The following ESRP1 variants were observed in gnomAD, a reference collection of about 807,000 sequenced individuals.
ESRP1 encodes epithelial splicing regulatory protein 1.
In ESRP1, 33 loss-of-function variants were observed where a neutral mutation model predicts 81.7. The ratio of observed to expected loss-of-function variants is 0.40; its 90% CI spans 0.31 to 0.54. The LOEUF is 0.54. Among genes scored for constraint, ESRP1 ranks in the 20% least tolerant of loss-of-function variants. The probability of loss-of-function intolerance (pLI) is 0.41; values close to 1 mark genes in which losing one functional copy is unlikely to be tolerated. For missense variants in ESRP1, 672 were observed against 833.1 expected, an observed-to-expected ratio of 0.81 and a Z score of 2.38; for synonymous variants, 320 against 303.3, an observed-to-expected ratio of 1.06 and a Z score of -0.57.
At position 94,643,318 on chromosome 8, in the gene ESRP1, A is replaced by G; in HGVS notation, c.277A>G (p.Ser93Gly). 1 of 1,610,368 alleles carries G rather than the reference A, an allele frequency of 6.2e-7. No homozygotes were observed. Among genetic ancestry groups the G allele is most frequent in the East Asian group, 2.2e-5 (1 of 44,878 alleles). Residue 93 changes from serine to glycine, a missense_variant, in exon 3 of 16, where the codon AGC (serine) becomes GGC (glycine). Physicochemically the swap from Ser to Gly is moderately conservative, Grantham distance 56. Transcript: ENST00000433389. ...QALRQFNQSV[S>G]NELNIGVGTS... ...GTTCTTGCAGTTTAACCAGTCAGTG[A>G]GCAATGAACTGAATATTGGAGTAGG...
rs760981296 is a variant in ESRP1, at chr8:94,671,472, C to T, written c.1253C>T (p.Ser418Leu). The T allele has an allele frequency of 2.9e-5, 46 of 1,613,182 alleles. No individual in the cohort carries two copies. Among genetic ancestry groups the T allele is most frequent in the East Asian group, 2.5e-4 (11 of 44,880 alleles). The change falls in exon 11 of 16, where the codon TCG becomes TTG. Residue 418 changes from serine to leucine, a missense_variant. Transcript: ENST00000433389. ...GTACAGGTGCTGAATCGATTCTCCT[C>T]GGCCCCTCTCATTCCACTTCCAACC... is the stretch of plus-strand genomic sequence containing the variant. Reference protein sequence around the residue: ...EVQQVLNRFSSAPLIPLPTPP... With the variant: ...EVQQVLNRFSLAPLIPLPTPP...
chr8:94,663,495 C>T (rs1443712736), intron 6 of ESRP1, among the ~76,000 whole-genome samples: 2 of 152,144 alleles, frequency 1.3e-5, no homozygotes. Context: ...ATCTACCCAC[C>T]TTGACATCCC....
At chr8:94,655,650 G>T (rs1818368656) in intron 4 of ESRP1, among the ~76,000 whole-genome samples, 1 of 151,988 alleles carries the variant, frequency 6.6e-6, no homozygotes, top group South Asian at 2.1e-4. Context: ...CCAGCATTTT[G>T]GGAGGCTCAG....
Position 94,678,354 on chromosome 8 carries a change from C to G in ESRP1, c.1803C>G (p.Tyr601Ter). The G allele has an allele frequency of 6.2e-7, 1 of 1,613,886 alleles. No homozygotes were observed. Among genetic ancestry groups the G allele is most frequent in the Non-Finnish European group, 8.5e-7 (1 of 1,179,840 alleles). ...YPAGTQLFMN[Y>*]TAYYPSPPGS... Reference sequence around the variant, plus strand: ...CAGGCACTCAGCTCTTCATGAATTACACAGCGTACTATCCCAGGTAAGGCT... The same window carrying G: ...CAGGCACTCAGCTCTTCATGAATTAGACAGCGTACTATCCCAGGTAAGGCT... The change falls in exon 13 of 16, where the codon TAC becomes TAG. Residue 601 changes from tyrosine to a stop codon, truncating the protein, a stop_gained. Transcript: ENST00000433389. LOFTEE classifies it high-confidence loss of function.
At chr8:94,703,299 C>A (rs1809923367) in intron 15 of ESRP1, among the ~76,000 whole-genome samples, 1 of 151,976 alleles carries the variant, frequency 6.6e-6, no homozygotes, top group African/African-American at 2.4e-5. Flanking sequence ...GGACTACAAG[C>A]ACACACCGCT....
At chr8:94,650,659 A>G (rs1351035499) in intron 4 of ESRP1, among the ~76,000 whole-genome samples, 1 of 152,212 alleles carries the variant, frequency 6.6e-6, no homozygotes, top group Non-Finnish European at 1.5e-5. Flanking sequence ...AAATATGAAT[A>G]GTGCTGTTAT....
At position 94,643,277 on chromosome 8, in the gene ESRP1, T is replaced by A. The variant is rs1188865287; in HGVS notation, c.262-26T>A. 7 of 1,463,856 alleles carry A rather than the reference T, an allele frequency of 4.8e-6. No individual in the cohort carries two copies. In the African/African-American group the frequency reaches 6.9e-5, roughly 15 times the overall value. The allele number at this position is 1,463,856 out of a possible 1,614,324, so 90.7% of individuals were successfully genotyped here. Reference sequence around the variant, plus strand: ...GTTTGTAAATCGTGCATCAGTTGCATCCCTATGTGTATCTTGTTCTTGCAG... The same window carrying A: ...GTTTGTAAATCGTGCATCAGTTGCAACCCTATGTGTATCTTGTTCTTGCAG... On this transcript the variant is annotated intron_variant, in intron 2 of 15. Transcript: ENST00000433389.
chr8:94,697,671 T>A (rs1364742785), intron 15 of ESRP1, among the ~76,000 whole-genome samples: 1 of 152,240 alleles, frequency 6.6e-6, no homozygotes, highest in Non-Finnish European at 1.5e-5. Flanking sequence ...TGTATAATTA[T>A]TTGAATATCT....
intron 2 of ESRP1, 38 bp from the exon 3 acceptor site, chr8:94,643,265 G>T (rs1817701020): frequency 7.4e-7 from 1 of 1,352,088 alleles, no homozygotes; most frequent in East Asian, 2.3e-5. Flanking sequence ...TGTAAATCGT[G>T]CATCAGTTGC....
rs1817846917 is a variant in ESRP1, at chr8:94,646,277, CAG to C, written c.488_489del (p.Glu163ValfsTer5). The C allele has an allele frequency of 6.3e-7, 1 of 1,581,954 alleles. No individual in the cohort carries two copies. Among genetic ancestry groups the C allele is most frequent in the Non-Finnish European group, 8.7e-7 (1 of 1,152,708 alleles). ...GACAAACTGGACGTTGCCACAATGA[CAG>C]AGTGTATCCTTTAAATCATTACTCA... On this transcript the variant is annotated frameshift_variant, in exon 4 of 16. Coordinates refer to ENST00000433389, the MANE Select transcript of ESRP1 (RefSeq NM_017697.4). LOFTEE classifies it high-confidence loss of function.
intron 11 of ESRP1, 128 bp from the exon 12 acceptor site, chr8:94,674,180 T>C: frequency 1.0e-6 from 1 of 990,754 alleles, no homozygotes; most frequent in South Asian, 1.6e-5. Flanking sequence ...GATCACACCA[T>C]CACCCGGATT....
At chr8:94,662,595 G>GTTTTTTTTTTT (rs11404889) in intron 6 of ESRP1, 40 bp downstream of exon 6, 1 of 1,103,782 alleles carries the variant, frequency 9.1e-7, no homozygotes. Context: ...TTTTTAACTT[G>GTTTTTTTTTTT]TTTTTTTTTT....
chr8:94,683,241 G>A (rs1808996898), intron 13 of ESRP1, among the ~76,000 whole-genome samples: 2 of 151,892 alleles, frequency 1.3e-5, no homozygotes, highest in Non-Finnish European at 2.9e-5. Context: ...ACCGCGCCCG[G>A]CCTATGAATA....
chr8:94,692,499 C>T (rs568697470), intron 13 of ESRP1, among the ~76,000 whole-genome samples, 178 bp from the exon 14 acceptor site: 7 of 152,192 alleles, frequency 4.6e-5, no homozygotes, highest in Non-Finnish European at 7.4e-5. Flanking sequence ...TTTTGGCTTT[C>T]GTGGAAATGT....
chr8:94,677,556 G>C (rs1197148397), intron 12 of ESRP1, among the ~76,000 whole-genome samples: 1 of 152,160 alleles, frequency 6.6e-6, no homozygotes, highest in Non-Finnish European at 1.5e-5. Context: ...ATTCCTTTGG[G>C]ACTATTTCCC....
chr8:94,641,778 G>A, intron 1 of ESRP1, 178 bp from the exon 2 acceptor site: 1 of 902,494 alleles, frequency 1.1e-6, no homozygotes, highest in South Asian at 2.1e-5. Context: ...GACCTATCGG[G>A]TGGGGGGTGG....
At chr8:94,703,929 T>TC (rs1287493183) in intron 15 of ESRP1, among the ~76,000 whole-genome samples, 1 of 152,174 alleles carries the variant, frequency 6.6e-6, no homozygotes, top group Non-Finnish European at 1.5e-5. Flanking sequence ...TAGATACTGA[T>TC]CAATAGTGTT....
At chr8:94,678,662 T>A (rs1808738654) in intron 13 of ESRP1, among the ~76,000 whole-genome samples, 1 of 152,350 alleles carries the variant, frequency 6.6e-6, no homozygotes, top group Non-Finnish European at 1.5e-5. Context: ...ATCACTGCAA[T>A]AGGATGGCAA....
At chr8:94,686,117 CAG>C (rs1454963343) in intron 13 of ESRP1, among the ~76,000 whole-genome samples, 1 of 152,100 alleles carries the variant, frequency 6.6e-6, no homozygotes, top group Non-Finnish European at 1.5e-5. Context: ...TTAGTAGAAA[CAG>C]AGTTTTGCCA....
Sources: allele counts gnomAD v4.1 joint callset (sites outside exome capture counted in the v4.1 genomes callset), GRCh38; gene constraint gnomAD v4.1.1; transcripts MANE v1.5; gene names NCBI Gene and HGNC (gene_info 2026-07-23, HGNC 2026-07-21).